Variants in SPPL2A observed in about 807,000 individuals in gnomAD.
SPPL2A encodes signal peptide peptidase-like 2A.
Under a neutral mutation model 63.8 loss-of-function variants are expected in SPPL2A, and 51 were observed. The observed-to-expected ratio is 0.80, with a 90% confidence interval of 0.64 to 1.01. The LOEUF is 1.01. Among genes scored for constraint, SPPL2A ranks in the 50% least tolerant of loss-of-function variants. The pLI, the probability that SPPL2A is intolerant of heterozygous loss-of-function variation, is 0.00. For missense variants in SPPL2A, 553 were observed against 622.7 expected (o/e 0.89, Z 1.19); for synonymous variants, 188 against 205.8 (o/e 0.91, Z 0.74).
At chr15:50,734,368 G>A (rs956680730) in intron 8 of SPPL2A, among the ~76,000 whole-genome samples, 6 of 152,118 alleles carry the variant, frequency 3.9e-5, no homozygotes, top group Non-Finnish European at 7.4e-5. Context: ...GCAAAGACAT[G>A]GATGGAACTG....
chr15:50,709,929 A>G (rs2062543468), intron 14 of SPPL2A, among the ~76,000 whole-genome samples: 2 of 152,216 alleles, frequency 1.3e-5, no homozygotes, highest in South Asian at 4.1e-4. Context: ...AGCAATTCTA[A>G]GGGGAAAAAA....
intron 1 of SPPL2A, among the ~76,000 whole-genome samples, chr15:50,752,280 T>C (rs1354189495): frequency 1.3e-5 from 2 of 152,114 alleles, no homozygotes; most frequent in African/African-American, 4.8e-5. Flanking sequence ...ATTTAGAACC[T>C]CTTATAGCTG....
Position 50,707,880 on chromosome 15 carries a change from C to T in SPPL2A, c.1489-6G>A. 6.4e-7 allele frequency: 1 copy of T among 1,551,652 alleles called. No individual in the cohort carries two copies. The highest frequency in any genetic ancestry group is 8.9e-7 in the Non-Finnish European group (1 of 1,123,680). The stretch of plus-strand genomic sequence containing the variant: ...CAATCCAAATGGTCCATCATCTAGG[C>T]ATAAATAAAAGACGTTAGGAAATGC... On this transcript the variant is annotated splice_polypyrimidine_tract_variant and splice_region_variant and intron_variant, in intron 14 of 14. Transcript: ENST00000261854.
In SPPL2A at chr15:50,736,096, C is replaced by A; in HGVS notation, c.932+5G>T. On this transcript the variant is annotated splice_donor_5th_base_variant and intron_variant, in intron 8 of 14. Transcript: ENST00000261854. The stretch of plus-strand genomic sequence containing the variant: ...TCTAAAAGCAAATACATTGAGTATT[C>A]ATACCTGTCTTCATTTCGAAACACA... 1 of 1,538,770 alleles carries A rather than the reference C, an allele frequency of 6.5e-7. No individual in the cohort carries two copies. Among genetic ancestry groups the A allele is most frequent in the South Asian group, 1.1e-5 (1 of 89,518 alleles).
intron 7 of SPPL2A, 87 bp from the exon 8 acceptor site, chr15:50,736,289 T>A (rs117028556): frequency 1.3e-6 from 1 of 774,658 alleles, no homozygotes; most frequent in Non-Finnish European, 2.2e-6. Flanking sequence ...ACCACAGTCA[T>A]AAGAAGTGAC....
At position 50,723,468 on chromosome 15, in the gene SPPL2A, T is replaced by C. The variant is rs57077464; in HGVS notation, c.1250-1267A>G. Among the ~76,000 whole-genome samples the C allele has an allele frequency of 1.6e-3, 237 of 151,618 alleles. 6 individuals are homozygous for C. The East Asian group carries it at 0.039, about 25-fold the overall frequency. On this transcript the variant is annotated intron_variant, in intron 12 of 14. Transcript: ENST00000261854. Reference sequence around the variant, plus strand: ...GGTACATACACAGACTGGAATACTATTCAGTTGGGTTTTTTTTGTTTTTTT... The same window carrying C: ...GGTACATACACAGACTGGAATACTACTCAGTTGGGTTTTTTTTGTTTTTTT...
chr15:50,741,530 C>T (rs2062820285), intron 5 of SPPL2A, among the ~76,000 whole-genome samples: 1 of 151,832 alleles, frequency 6.6e-6, no homozygotes, highest in Non-Finnish European at 1.5e-5. Flanking sequence ...TCTGTCACTA[C>T]AGAAATACAT....
In SPPL2A at chr15:50,705,361, A is replaced by G. The variant is rs2062500378; in HGVS notation, c.*2439T>C. 6.6e-6 allele frequency: 1 copy of G among 151,856 alleles called. No homozygotes were observed. The highest frequency in any genetic ancestry group is 6.6e-5 in the Admixed American group (1 of 15,212). 9.4% of individuals were successfully genotyped at this position (151,856 alleles called of 1,614,324 possible). ...TTTCCAAAAAAAAAAAAAAGAAATT[A>G]ATTATCTCATTTCGATGTAGTAAAA... is the stretch of plus-strand genomic sequence containing the variant. On this transcript the variant is annotated 3_prime_UTR_variant, in exon 15 of 15. Coordinates refer to ENST00000261854, the MANE Select transcript of SPPL2A (RefSeq NM_032802.4).
At chr15:50,752,711 C>T (rs1187070705) in intron 1 of SPPL2A, among the ~76,000 whole-genome samples, 1 of 150,738 alleles carries the variant, frequency 6.6e-6, no homozygotes, top group African/African-American at 2.4e-5. Context: ...GAGCAAGACT[C>T]CATCTGAAAA....
chr15:50,707,694 G>T lies in SPPL2A; in HGVS notation c.*106C>A. Reference sequence around the variant, plus strand: ...AGCTCATAAAAATATATTTTTGCAAGCATATCATTGAAGACTCTTTCAGAT... The same window carrying T: ...AGCTCATAAAAATATATTTTTGCAATCATATCATTGAAGACTCTTTCAGAT... On this transcript the variant is annotated 3_prime_UTR_variant, in exon 15 of 15. Coordinates refer to ENST00000261854, the MANE Select transcript of SPPL2A (RefSeq NM_032802.4). 1.6e-6 allele frequency: 1 copy of T among 644,766 alleles called. No individual in the cohort carries two copies. The allele number at this position is 644,766 out of a possible 1,614,324, so 39.9% of individuals were successfully genotyped here. A position where few individuals can be genotyped will look rare whatever the true frequency, so the allele number is the denominator to read the frequency against.
chr15:50,743,927 CAT>C (rs1354656383), intron 5 of SPPL2A, among the ~76,000 whole-genome samples: 1 of 152,062 alleles, frequency 6.6e-6, no homozygotes, highest in East Asian at 1.9e-4. Flanking sequence ...GTAATCCCAG[CAT>C]TTTGGGAGGC....
rs140685887 is a variant in SPPL2A, at chr15:50,720,059, G to T, written c.1369C>A (p.Leu457Met). ...GMILTFVVLV[L>M]MKKGQPALLY... ...AGAGCAGGTTGCCCCTTTTTCATCA[G>T]CACCAGAACAACAAATGTAAGTATC... Residue 457 changes from leucine (L) to methionine (M), a missense_variant, in exon 14 of 15, where the codon CTG (leucine) becomes ATG (methionine). Transcript: ENST00000261854. 50 of 1,613,344 alleles carry T rather than the reference G, an allele frequency of 3.1e-5. No individual in the cohort carries two copies. The highest frequency in any genetic ancestry group is 4.0e-5 in the Non-Finnish European group (47 of 1,179,684).
In SPPL2A at chr15:50,727,811, G is replaced by A. The variant is rs372849232; in HGVS notation, c.1090-1434C>T. On this transcript the variant is annotated intron_variant, in intron 10 of 14. Transcript: ENST00000261854. Reference sequence around the variant, plus strand: ...GTTACCTACTAAACTAAGGCCTGCTGCCTTAATAAAAACAAACAAATCAGA... The same window carrying A: ...GTTACCTACTAAACTAAGGCCTGCTACCTTAATAAAAACAAACAAATCAGA... Among the ~76,000 whole-genome samples, 7 of 152,188 alleles carry A rather than the reference G, an allele frequency of 4.6e-5. No homozygotes were observed. The East Asian group carries it at 7.7e-4, about 17-fold the overall frequency.
intron 5 of SPPL2A, chr15:50,746,578 C>G (rs1381256410): frequency 6.6e-6 from 1 of 151,430 alleles, no homozygotes; most frequent in Non-Finnish European, 1.5e-5. Context: ...TGCTAAATAG[C>G]CATTGCTTTT....
chr15:50,760,951 G>T (rs1301526649), intron 1 of SPPL2A, among the ~76,000 whole-genome samples: 2 of 151,964 alleles, frequency 1.3e-5, no homozygotes, highest in East Asian at 3.9e-4. Context: ...GCAGCTATAT[G>T]CTACTTCAAA....
At chr15:50,733,569 A>T (rs1330931578) in intron 8 of SPPL2A, among the ~76,000 whole-genome samples, 1 of 152,218 alleles carries the variant, frequency 6.6e-6, no homozygotes, top group Non-Finnish European at 1.5e-5. Flanking sequence ...CTACTTGATG[A>T]AAACATTGGG....
At chr15:50,722,020 G>A in intron 13 of SPPL2A, 104 bp downstream of exon 13, 1 of 664,548 alleles carries the variant, frequency 1.5e-6, no homozygotes, top group Non-Finnish European at 2.7e-6. Context: ...CTCCAGGGGT[G>A]AACCACCATG....
chr15:50,719,845 C>T (rs1025716910), intron 14 of SPPL2A, 95 bp downstream of exon 14: 1 of 831,768 alleles, frequency 1.2e-6, no homozygotes, highest in Non-Finnish European at 1.9e-6. Flanking sequence ...CTTTTTGGTA[C>T]ATAAAAGCTT....
chr15:50,720,597 G>C (rs145500743), intron 13 of SPPL2A, among the ~76,000 whole-genome samples: 2 of 139,754 alleles, frequency 1.4e-5, no homozygotes, highest in Non-Finnish European at 3.0e-5. Flanking sequence ...TCAGCTCACC[G>C]CAACCTCTGC....
Sources: allele counts gnomAD v4.1 joint callset (sites outside exome capture counted in the v4.1 genomes callset), GRCh38; gene constraint gnomAD v4.1.1; transcripts MANE v1.5; gene names NCBI Gene and HGNC (gene_info 2026-07-23, HGNC 2026-07-21).